ADK: variants seen among roughly 807,000 people sequenced by gnomAD.
ADK encodes adenosine kinase, also known as N6,N6-dimethyladenosine kinase.
ADK carries 24 observed loss-of-function variants against 44.7 expected under a neutral mutation model. That is an observed-to-expected ratio of 0.54 (90% CI 0.39 to 0.76). The LOEUF is 0.76. Among genes scored for constraint, ADK ranks in the 30% least tolerant of loss-of-function variants. ADK has a pLI of 0.00. For synonymous variants in ADK, 128 were observed against 142.6 expected, an observed-to-expected ratio of 0.90 and a Z score of 0.73; for missense variants, 321 against 425.1, an observed-to-expected ratio of 0.76 and a Z score of 2.15.
chr10:74,276,530 G>T (rs1846686522), intron 3 of ADK, among the ~76,000 whole-genome samples: 1 of 152,160 alleles, frequency 6.6e-6, no homozygotes, highest in Non-Finnish European at 1.5e-5. Context: ...AGTTCTATAG[G>T]CCAGAAATCT....
At chr10:74,617,491 T>C (rs564176312) in intron 9 of ADK, among the ~76,000 whole-genome samples, 1 of 152,370 alleles carries the variant, frequency 6.6e-6, no homozygotes, top group African/African-American at 2.4e-5. Flanking sequence ...ATGTGTGAAT[T>C]ACAGATTGAT....
chr10:74,681,203 T>A (rs1348627624), intron 10 of ADK, among the ~76,000 whole-genome samples: 2 of 152,224 alleles, frequency 1.3e-5, no homozygotes, highest in Non-Finnish European at 2.9e-5. Flanking sequence ...AAAAATCATA[T>A]TTTCTGGTTT....
chr10:74,611,498 T>C (rs1214216239), intron 9 of ADK, among the ~76,000 whole-genome samples: 2 of 152,114 alleles, frequency 1.3e-5, no homozygotes, highest in African/African-American at 4.8e-5. Flanking sequence ...CTTTTTTTTT[T>C]TTTTTTAATT....
intron 6 of ADK, among the ~76,000 whole-genome samples, chr10:74,413,546 G>A (rs932261697): frequency 3.7e-4 from 57 of 152,264 alleles, no homozygotes; most frequent in African/African-American, 1.3e-3. Flanking sequence ...TAACAGAATT[G>A]AAAAGAGTTA....
chr10:74,655,004 C>A (rs951770452), intron 9 of ADK: 2 of 190,908 alleles, frequency 1.0e-5, no homozygotes, highest in African/African-American at 2.4e-5. Context: ...GCAAGGGCCC[C>A]GACCCCTCCT....
At chr10:74,693,032 A>C (rs1358621827) in intron 10 of ADK, among the ~76,000 whole-genome samples, 1 of 152,210 alleles carries the variant, frequency 6.6e-6, no homozygotes, top group East Asian at 1.9e-4. Context: ...GAGAGCACTG[A>C]GGATTTTTAG....
chr10:74,256,291 G>A (rs774538892), intron 3 of ADK, among the ~76,000 whole-genome samples: 1 of 152,174 alleles, frequency 6.6e-6, no homozygotes, highest in African/African-American at 2.4e-5. Context: ...AGCAAGTGAT[G>A]TGGTCAAATT....
chr10:74,480,056 C>A (rs774098042), intron 6 of ADK, among the ~76,000 whole-genome samples: 2 of 151,990 alleles, frequency 1.3e-5, no homozygotes, highest in Non-Finnish European at 2.9e-5. Flanking sequence ...TGTACAGTAT[C>A]CTCTGTGTTC....
intron 6 of ADK, among the ~76,000 whole-genome samples, chr10:74,435,492 A>G (rs1273936997): frequency 6.6e-6 from 1 of 152,206 alleles, no homozygotes; most frequent in Non-Finnish European, 1.5e-5. Context: ...TATGTCTGAA[A>G]ATAAAGGCAG....
chr10:74,186,226 C>CTTT (rs1481777578), intron 1 of ADK, among the ~76,000 whole-genome samples: 24 of 42,936 alleles, frequency 5.6e-4, no homozygotes, highest in African/African-American at 1.2e-3. Context: ...CTTTCCCTTC[C>CTTT]CCTCCTTTCC....
At chr10:74,275,803 G>T (rs1846650178) in intron 3 of ADK, among the ~76,000 whole-genome samples, 1 of 151,938 alleles carries the variant, frequency 6.6e-6, no homozygotes, top group African/African-American at 2.4e-5. Flanking sequence ...ACTATGCCTG[G>T]GTAATTTTTG....
chr10:74,565,429 A>T (rs754728154), intron 7 of ADK, among the ~76,000 whole-genome samples: 8 of 152,188 alleles, frequency 5.3e-5, no homozygotes, highest in Admixed American at 1.3e-4. Flanking sequence ...TAATAATAAT[A>T]AAAAAACCAT....
At chr10:74,622,897 C>T (rs1853047029) in intron 9 of ADK, among the ~76,000 whole-genome samples, 1 of 152,080 alleles carries the variant, frequency 6.6e-6, no homozygotes, top group Non-Finnish European at 1.5e-5. Flanking sequence ...ATCCCAGCTA[C>T]TCGGGAGGCT....
At position 74,454,122 on chromosome 10, in the gene ADK, T is replaced by C. The variant is rs1344916112; in HGVS notation, c.555+55543T>C. On this transcript the variant is annotated intron_variant, in intron 6 of 10. Coordinates refer to ENST00000539909, the MANE Select transcript of ADK (RefSeq NM_006721.4). ...CTAAATCTTAAGGAATGTGACAACA[T>C]TGATTAGATTAAAATCCTTTGACTT... 2.0e-5 allele frequency among the ~76,000 whole-genome samples: 3 copies of C among 152,190 alleles called. 1 individual carries two copies. The East Asian group carries it at 5.8e-4, about 29-fold the overall frequency.
intron 9 of ADK, chr10:74,655,038 G>T: frequency 4.7e-6 from 1 of 214,226 alleles, no homozygotes; most frequent in South Asian, 7.1e-5. Flanking sequence ...GAGCTCAGCA[G>T]GCAGCGACTG....
chr10:74,572,277 G>A (rs936962505), intron 7 of ADK, among the ~76,000 whole-genome samples: 1 of 152,180 alleles, frequency 6.6e-6, no homozygotes, highest in African/African-American at 2.4e-5. Flanking sequence ...TAGTTTGGCT[G>A]GATATGAAAT....
At chr10:74,408,154 ATT>A (rs146437712) in intron 6 of ADK, among the ~76,000 whole-genome samples, 93 of 103,760 alleles carry the variant, frequency 9.0e-4, no homozygotes, top group Admixed American at 1.2e-3. Flanking sequence ...TGAGTTTTGT[ATT>A]TTTTTTTTTT....
chr10:74,388,658 C>A (rs1843231275), intron 4 of ADK, among the ~76,000 whole-genome samples: 1 of 151,958 alleles, frequency 6.6e-6, no homozygotes, highest in South Asian at 2.1e-4. Flanking sequence ...TTCAACTCTT[C>A]TTTGAAAATT....
At chr10:74,292,693 C>T (rs952151003) in intron 3 of ADK, among the ~76,000 whole-genome samples, 1 of 151,880 alleles carries the variant, frequency 6.6e-6, no homozygotes, top group Non-Finnish European at 1.5e-5. Flanking sequence ...TCTTATATCC[C>T]ACATCTAATC....
Sources: gnomAD v4.1 joint callset for allele counts (sites outside exome capture counted in the v4.1 genomes callset) on GRCh38, gnomAD v4.1.1 for gene constraint, MANE v1.5 for transcripts, NCBI Gene and HGNC (gene_info 2026-07-23, HGNC 2026-07-21) for gene names.